Variants in SH3RF1 observed in about 807,000 individuals in gnomAD.
SH3RF1 encodes the protein SH3 domain containing ring finger 1.
A neutral mutation model predicts 74.0 loss-of-function variants in SH3RF1; 32 were observed. That is an observed-to-expected ratio of 0.43 (90% CI 0.33 to 0.58). The LOEUF is 0.58. SH3RF1 is among the 20% of genes least tolerant of loss of function. The pLI is 0.05. For synonymous variants in SH3RF1, 396 were observed against 439.6 expected, an observed-to-expected ratio of 0.90 and a Z score of 1.24; for missense variants, 954 against 1,130.9, an observed-to-expected ratio of 0.84 and a Z score of 2.24.
chr4:169,165,579 G>A (rs1355761425), intron 2 of SH3RF1, among the ~76,000 whole-genome samples: 1 of 151,220 alleles, frequency 6.6e-6, no homozygotes, highest in Non-Finnish European at 1.5e-5. Flanking sequence ...GTCCAATATT[G>A]TGCCACTGCA....
At chr4:169,175,600 C>T (rs569269271) in intron 2 of SH3RF1, among the ~76,000 whole-genome samples, 1 of 152,284 alleles carries the variant, frequency 6.6e-6, no homozygotes, top group East Asian at 1.9e-4. Context: ...CCCACAATAG[C>T]CTCAACCCAA....
chr4:169,101,273 GC>G (rs1733022811), intron 11 of SH3RF1, among the ~76,000 whole-genome samples: 2 of 152,262 alleles, frequency 1.3e-5, no homozygotes, highest in South Asian at 4.1e-4. Flanking sequence ...AATGTACAAA[GC>G]TCCTTAAAAA....
chr4:169,122,151 GC>G lies in SH3RF1; in HGVS notation c.1294del (p.Ala432GlnfsTer33). ...ATGTGCAATCTGGTCAGTGGATCCT[GC>G]CATGGGCCTCGGTCCCATTCCAGCA... The part of the protein sequence containing the change: ...AAAGMGPRPM[A>X]GSTDQIAHLR... On this transcript the variant is annotated frameshift_variant, in exon 7 of 12. Transcript: ENST00000284637. LOFTEE classifies it high-confidence loss of function. 1 of 1,613,282 alleles carries G rather than the reference GC, an allele frequency of 6.2e-7. No homozygotes were observed.
At chr4:169,168,066 G>C (rs1158014586) in intron 2 of SH3RF1, among the ~76,000 whole-genome samples, 1 of 152,118 alleles carries the variant, frequency 6.6e-6, no homozygotes, top group Non-Finnish European at 1.5e-5. Context: ...CTTGAGCCCA[G>C]GAACTCCAGG....
intron 5 of SH3RF1, among the ~76,000 whole-genome samples, chr4:169,130,466 A>G (rs978641879): frequency 6.6e-6 from 1 of 152,192 alleles, no homozygotes; most frequent in Admixed American, 6.5e-5. Flanking sequence ...CCATGAATCA[A>G]ACTGGCCTTC....
intron 2 of SH3RF1, among the ~76,000 whole-genome samples, chr4:169,257,835 C>T (rs559553689): frequency 6.6e-6 from 1 of 152,160 alleles, no homozygotes; most frequent in African/African-American, 2.4e-5. Context: ...CAAAGTCAGG[C>T]TCCCTAAACT....
chr4:169,243,708 T>C (rs1305990430), intron 2 of SH3RF1, among the ~76,000 whole-genome samples: 2 of 152,222 alleles, frequency 1.3e-5, no homozygotes, highest in African/African-American at 4.8e-5. Flanking sequence ...AAATCTGTCC[T>C]CAACAGATTC....
At chr4:169,176,468 A>G (rs1734423082) in intron 2 of SH3RF1, among the ~76,000 whole-genome samples, 1 of 152,222 alleles carries the variant, frequency 6.6e-6, no homozygotes, top group Non-Finnish European at 1.5e-5. Context: ...TTTTAACCGA[A>G]CAAAACAAAT....
intron 11 of SH3RF1, 94 bp downstream of exon 11, chr4:169,106,753 G>T: frequency 9.7e-7 from 1 of 1,027,916 alleles, no homozygotes; most frequent in Non-Finnish European, 1.4e-6. Flanking sequence ...CATTTAGGAA[G>T]ATGTGGCAAA....
intron 2 of SH3RF1, among the ~76,000 whole-genome samples, chr4:169,212,531 T>C (rs1195062104): frequency 6.6e-6 from 1 of 152,296 alleles, no homozygotes; most frequent in Non-Finnish European, 1.5e-5. Flanking sequence ...TCCATTTTTT[T>C]CCCTTTTAAA....
Position 169,096,265 on chromosome 4 carries a change from A to G in SH3RF1, c.*254T>C, listed in dbSNP as rs574807600. On this transcript the variant is annotated 3_prime_UTR_variant, in exon 12 of 12. Transcript: ENST00000284637. ...TTAGTCATATATCTTAAAAAAAAAA[A>G]AAAGTTTCTCTGTGTAGTAAATCAG... 2 of 365,200 alleles carry G rather than the reference A, an allele frequency of 5.5e-6. No individual in the cohort carries two copies. The highest frequency in any genetic ancestry group is 4.1e-5 in the East Asian group (1 of 24,274). 22.6% of individuals were successfully genotyped at this position (365,200 alleles called of 1,614,324 possible).
rs189268814 is a variant in SH3RF1, at chr4:169,227,506, C to T, written c.393+41314G>A. On this transcript the variant is annotated intron_variant, in intron 2 of 11. Coordinates refer to ENST00000284637, the MANE Select transcript of SH3RF1 (RefSeq NM_020870.4). ...ATCAGGCATAGAGTTGGAATTTATG[C>T]TTTAGAACTTGTAATGGAGCCCACA... Among the ~76,000 whole-genome samples the T allele has an allele frequency of 2.4e-3, 367 of 152,280 alleles. 1 individual carries two copies. Among genetic ancestry groups the T allele is most frequent in the African/African-American group, 8.1e-3 (337 of 41,546 alleles).
chr4:169,242,413 A>C (rs1420608359), intron 2 of SH3RF1, among the ~76,000 whole-genome samples: 1 of 152,210 alleles, frequency 6.6e-6, no homozygotes, highest in Non-Finnish European at 1.5e-5. Flanking sequence ...GAAATATTAA[A>C]TTCATATGTC....
intron 2 of SH3RF1, among the ~76,000 whole-genome samples, chr4:169,211,170 A>G (rs1435329702): frequency 2.0e-5 from 3 of 152,152 alleles, no homozygotes; most frequent in African/African-American, 7.2e-5. Context: ...ATTATGACCC[A>G]TTCTCCAAAG....
chr4:169,242,127 T>C (rs911366850), intron 2 of SH3RF1, among the ~76,000 whole-genome samples: 2 of 151,230 alleles, frequency 1.3e-5, no homozygotes, highest in South Asian at 4.2e-4. Context: ...CAATTTAAAT[T>C]TTTTTTTTTG....
intron 2 of SH3RF1, among the ~76,000 whole-genome samples, chr4:169,266,300 C>T (rs980250028): frequency 6.6e-6 from 1 of 152,190 alleles, no homozygotes; most frequent in African/African-American, 2.4e-5. Context: ...CAACATTCCA[C>T]GTTATCACTT....
At chr4:169,199,973 T>A (rs1170430611) in intron 2 of SH3RF1, among the ~76,000 whole-genome samples, 1 of 149,478 alleles carries the variant, frequency 6.7e-6, no homozygotes, top group Non-Finnish European at 1.5e-5. Context: ...AAGATCGACA[T>A]CATGAGAAAA....
intron 10 of SH3RF1, among the ~76,000 whole-genome samples, chr4:169,112,593 T>C (rs998427556): frequency 2.6e-5 from 4 of 152,168 alleles, no homozygotes; most frequent in Non-Finnish European, 5.9e-5. Context: ...GATGAAAACA[T>C]AGAGGCATCT....
chr4:169,267,712 G>A (rs1168582048), intron 2 of SH3RF1, among the ~76,000 whole-genome samples: 1 of 152,122 alleles, frequency 6.6e-6, no homozygotes, highest in Non-Finnish European at 1.5e-5. Flanking sequence ...AAAGTAGTAG[G>A]AAAACTATTC....
Sources: allele counts gnomAD v4.1 joint callset (sites outside exome capture counted in the v4.1 genomes callset), GRCh38; gene constraint gnomAD v4.1.1; transcripts MANE v1.5; gene names NCBI Gene and HGNC (gene_info 2026-07-23, HGNC 2026-07-21).